The following UBE2E2 variants were observed in gnomAD, a reference collection of about 807,000 sequenced individuals.
UBE2E2 encodes the protein ubiquitin-conjugating enzyme E2 E2.
Under a neutral mutation model 24.7 loss-of-function variants are expected in UBE2E2, and 6 were observed. The observed-to-expected ratio is 0.24, with a 90% CI of 0.13 to 0.48. The LOEUF (loss-of-function observed/expected upper bound fraction) is 0.48. Ranked by LOEUF, UBE2E2 falls within the 20% of genes least tolerant of loss-of-function variation. UBE2E2 has a pLI of 0.99. For missense variants in UBE2E2, 169 were observed against 245.0 expected (o/e 0.69, Z 2.07); for synonymous variants, 104 against 83.6 (o/e 1.24, Z -1.33).
chr3:23,265,136 A>C (rs1698011177), intron 3 of UBE2E2, among the ~76,000 whole-genome samples: 1 of 152,186 alleles, frequency 6.6e-6, no homozygotes, highest in Non-Finnish European at 1.5e-5. Flanking sequence ...TTGTTTAAGG[A>C]ATTGAAGAGG....
chr3:23,312,180 A>G (rs11928344), intron 3 of UBE2E2, among the ~76,000 whole-genome samples: 49,543 of 151,844 alleles, frequency 0.33, 8,303 homozygotes, highest in South Asian at 0.38. Context: ...CCTCCCCCCA[A>G]AAAAAAGCTG....
chr3:23,339,015 T>TA (rs560969363), intron 3 of UBE2E2, among the ~76,000 whole-genome samples: 1 of 152,172 alleles, frequency 6.6e-6, no homozygotes, highest in Admixed American at 6.5e-5. Context: ...GGAATCATAG[T>TA]AACCTTACAG....
intron 3 of UBE2E2, among the ~76,000 whole-genome samples, chr3:23,426,268 A>G (rs1697922059): frequency 6.6e-6 from 1 of 152,210 alleles, no homozygotes; most frequent in African/African-American, 2.4e-5. Flanking sequence ...CAATAGGTGT[A>G]TCATATGCAT....
At chr3:23,585,370 C>G (rs376791050) in intron 5 of UBE2E2, among the ~76,000 whole-genome samples, 1 of 86,134 alleles carries the variant, frequency 1.2e-5, no homozygotes, top group African/African-American at 4.4e-5. Context: ...GACCCTGTCT[C>G]AAAAAAAAAA....
chr3:23,584,618 A>G (rs1427286231), intron 5 of UBE2E2, among the ~76,000 whole-genome samples: 3 of 151,854 alleles, frequency 2.0e-5, no homozygotes, highest in Admixed American at 6.6e-5. Flanking sequence ...CAGTGGCGCA[A>G]TCATGGCTCA....
At chr3:23,211,484 G>A (rs1696323167) in intron 2 of UBE2E2, among the ~76,000 whole-genome samples, 1 of 148,666 alleles carries the variant, frequency 6.7e-6, no homozygotes, top group Admixed American at 6.8e-5. Flanking sequence ...TCCAACTCCT[G>A]GGCTCATTCA....
At chr3:23,275,079 G>C (rs1698348247) in intron 3 of UBE2E2, among the ~76,000 whole-genome samples, 1 of 152,200 alleles carries the variant, frequency 6.6e-6, no homozygotes, top group African/African-American at 2.4e-5. Context: ...GTGTTAGGCA[G>C]GGGGACTGCA....
At chr3:23,586,087 G>A (rs532802176) in intron 5 of UBE2E2, among the ~76,000 whole-genome samples, 3 of 152,148 alleles carry the variant, frequency 2.0e-5, no homozygotes, top group Admixed American at 2.0e-4. Context: ...AGCTCTTCAG[G>A]ATTATTCCAC....
intron 3 of UBE2E2, among the ~76,000 whole-genome samples, chr3:23,349,896 G>C (rs374255721): frequency 3.3e-5 from 5 of 152,276 alleles, no homozygotes; most frequent in Admixed American, 2.0e-4. Context: ...TCTCCCAGCA[G>C]GCAGCTGGAG....
intron 3 of UBE2E2, among the ~76,000 whole-genome samples, chr3:23,339,201 T>C (rs1249766590): frequency 6.6e-6 from 1 of 152,072 alleles, no homozygotes; most frequent in Admixed American, 6.6e-5. Context: ...AAACCCAAAT[T>C]GAGGGCCATG....
At chr3:23,236,958 C>G (rs544196971) in intron 3 of UBE2E2, among the ~76,000 whole-genome samples, 1 of 152,300 alleles carries the variant, frequency 6.6e-6, no homozygotes, top group South Asian at 2.1e-4. Flanking sequence ...TGCTTCCATT[C>G]TGTAATTTTC....
rs1338624278 is a variant in UBE2E2 at position 23,332,675 on chromosome 3, GTGTGTGTGTGTGTGTGTGT to G, written c.227+115364_227+115382del. Among the ~76,000 whole-genome samples the G allele has an allele frequency of 2.0e-4, 21 of 106,544 alleles. No homozygotes were observed. The South Asian group carries it at 6.1e-3, about 31-fold the overall frequency. 69.9% of individuals were successfully genotyped at this position (106,544 alleles called of 152,430 possible). A position where few individuals can be genotyped will look rare whatever the true frequency, so the allele number is the denominator to read the frequency against. ...TTTGAGCTTCCTGGCAGCCAGTGGG[GTGTGTGTGTGTGTGTGTGT>G]GTGTGTGTGTGTGTGTGTGTGTGTG... On this transcript the variant is annotated intron_variant, in intron 3 of 5. Coordinates refer to ENST00000396703, the MANE Select transcript of UBE2E2 (RefSeq NM_152653.4).
rs958935244 is a variant in UBE2E2 at position 23,222,749 on chromosome 3, T to C, written c.227+5437T>C. 5.3e-5 allele frequency among the ~76,000 whole-genome samples: 8 copies of C among 152,194 alleles called. No homozygotes were observed. In the East Asian group the frequency reaches 1.5e-3, roughly 29 times the overall value. ...TATATATACCCAGTATAGGAATTGC[T>C]GGATCATATGGAAGTTCTGTTTTTA... On this transcript the variant is annotated intron_variant, in intron 3 of 5. Transcript: ENST00000396703.
At chr3:23,238,208 AT>A (rs1697169373) in intron 3 of UBE2E2, among the ~76,000 whole-genome samples, 3 of 152,150 alleles carry the variant, frequency 2.0e-5, no homozygotes, top group Admixed American at 2.0e-4. Flanking sequence ...AAGATAATTC[AT>A]CTAGTAGTCT....
chr3:23,204,791 A>C (rs769734236), intron 1 of UBE2E2: 84 of 974,358 alleles, frequency 8.6e-5, no homozygotes, highest in Non-Finnish European at 9.5e-5. Context: ...CTATATATTT[A>C]TTTTACATTT....
chr3:23,271,890 T>C lies in UBE2E2; in HGVS notation c.227+54578T>C, dbSNP rs572982149. 2.0e-5 allele frequency among the ~76,000 whole-genome samples: 3 copies of C among 152,326 alleles called. No individual in the cohort carries two copies. The East Asian group carries it at 5.8e-4, about 29-fold the overall frequency. ...CCCTGAGCTAGACACAGAGTGCTGATTGGTGCATATACAGTCCTCCAGCTA... is the reference window on the plus strand; with the variant it reads ...CCCTGAGCTAGACACAGAGTGCTGACTGGTGCATATACAGTCCTCCAGCTA... On this transcript the variant is annotated intron_variant, in intron 3 of 5. Transcript: ENST00000396703.
intron 3 of UBE2E2, among the ~76,000 whole-genome samples, chr3:23,437,667 G>A (rs1698213944): frequency 6.6e-6 from 1 of 152,164 alleles, no homozygotes; most frequent in South Asian, 2.1e-4. Context: ...CAGTAGAATC[G>A]AACCTCACTG....
At chr3:23,339,602 T>G (rs1249494175) in intron 3 of UBE2E2, among the ~76,000 whole-genome samples, 1 of 152,090 alleles carries the variant, frequency 6.6e-6, no homozygotes, top group African/African-American at 2.4e-5. Context: ...TTTCTTTAAT[T>G]TAATGAAGGG....
chr3:23,511,604 A>G (rs1575676153), intron 4 of UBE2E2, among the ~76,000 whole-genome samples: 4 of 152,302 alleles, frequency 2.6e-5, no homozygotes, highest in African/African-American at 4.8e-5. Flanking sequence ...GAAATGGGCA[A>G]TTTTCAACCC....
Sources: allele counts gnomAD v4.1 joint callset (sites outside exome capture counted in the v4.1 genomes callset), GRCh38; gene constraint gnomAD v4.1.1; transcripts MANE v1.5; gene names NCBI Gene and HGNC (gene_info 2026-07-23, HGNC 2026-07-21).